Variants in NDUFA5 observed in about 807,000 individuals in gnomAD.
The protein encoded by NDUFA5 is NADH dehydrogenase [ubiquinone] 1 alpha subcomplex subunit 5.
NDUFA5 carries 11 observed loss-of-function variants against 19.8 expected under a neutral mutation model. The observed-to-expected ratio is 0.56, with a 90% CI of 0.35 to 0.92. NDUFA5 has a LOEUF of 0.92. NDUFA5 is among the 40% of genes least tolerant of loss of function. The pLI is 0.01. For missense variants in NDUFA5, 109 were observed against 134.2 expected, an observed-to-expected ratio of 0.81 and a Z score of 0.93; for synonymous variants, 47 against 46.8, an observed-to-expected ratio of 1.00 and a Z score of -0.01.
At chr7:123,566,231 A>T in the NDUFA5 span, among the ~76,000 whole-genome samples, 2 of 152,100 alleles carry the variant, frequency 1.3e-5, no homozygotes, top group Admixed American at 1.3e-4. Context: ...CAAGCCAAGG[A>T]CCACCAAAGA....
chr7:123,601,035 C>A, the NDUFA5 span, among the ~76,000 whole-genome samples: 3 of 152,060 alleles, frequency 2.0e-5, no homozygotes, highest in Non-Finnish European at 2.9e-5. Context: ...GTCACTGAGA[C>A]CTGCAAAACG....
chr7:123,559,987 A>T (rs1798669288), upstream of NDUFA5, among the ~76,000 whole-genome samples: 1 of 152,164 alleles, frequency 6.6e-6, no homozygotes, highest in South Asian at 2.1e-4. Context: ...AAAAAATTAT[A>T]CACCACAAAT....
intron 2 of NDUFA5, among the ~76,000 whole-genome samples, chr7:123,550,991 T>C (rs1161566514): frequency 6.6e-6 from 1 of 151,158 alleles, no homozygotes; most frequent in Non-Finnish European, 1.5e-5. Flanking sequence ...AATGGCATGA[T>C]CTTGGCTCAT....
At chr7:123,546,955 C>A (rs947295759) in intron 3 of NDUFA5, 3 of 364,154 alleles carry the variant, frequency 8.2e-6, no homozygotes, top group Admixed American at 7.5e-5. Flanking sequence ...TCCATATAGT[C>A]CCTAACTGCA....
chr7:123,591,695 G>T, the NDUFA5 span, among the ~76,000 whole-genome samples: 2 of 152,110 alleles, frequency 1.3e-5, no homozygotes, highest in Non-Finnish European at 2.9e-5. Flanking sequence ...GCTGGATTCG[G>T]TTTGCCAGTG....
intron 3 of NDUFA5, among the ~76,000 whole-genome samples, chr7:123,549,527 A>C (rs1798255752): frequency 6.6e-6 from 1 of 152,242 alleles, no homozygotes; most frequent in Non-Finnish European, 1.5e-5. Flanking sequence ...CTGTGATCCC[A>C]GCACTTTGGA....
chr7:123,580,492 T>C, the NDUFA5 span, among the ~76,000 whole-genome samples: 2 of 152,070 alleles, frequency 1.3e-5, no homozygotes, highest in Non-Finnish European at 2.9e-5. Flanking sequence ...CTTAACCCCC[T>C]AAGCCTTACT....
upstream of NDUFA5, among the ~76,000 whole-genome samples, chr7:123,559,857 C>CAAA (rs201033454): frequency 4.3e-5 from 2 of 46,492 alleles, no homozygotes; most frequent in Admixed American, 2.3e-4. Context: ...TTCCGTCTCA[C>CAAA]AAAAAAAAAA....
At chr7:123,543,971 T>C (rs1039214066) in intron 4 of NDUFA5, among the ~76,000 whole-genome samples, 4 of 152,342 alleles carry the variant, frequency 2.6e-5, no homozygotes, top group African/African-American at 9.6e-5. Context: ...ATTTGGTATA[T>C]CATGTCTGTT....
chr7:123,589,709 C>G, the NDUFA5 span, among the ~76,000 whole-genome samples: 1 of 152,044 alleles, frequency 6.6e-6, no homozygotes, highest in Non-Finnish European at 1.5e-5. Context: ...TTTTCTTTAT[C>G]CAGTCTAATA....
chr7:123,585,635 TTG>T, the NDUFA5 span, among the ~76,000 whole-genome samples: 36,181 of 147,014 alleles, frequency 0.25, 4,441 homozygotes, highest in East Asian at 0.39. Flanking sequence ...TAGTTACTAT[TTG>T]TGTGTGTGTG....
the NDUFA5 span, among the ~76,000 whole-genome samples, chr7:123,578,544 C>T: frequency 6.6e-6 from 1 of 152,104 alleles, no homozygotes; most frequent in East Asian, 1.9e-4. Flanking sequence ...CAGTTAATTT[C>T]AGGCATTTGC....
At chr7:123,576,927 C>A in the NDUFA5 span, among the ~76,000 whole-genome samples, 1 of 152,026 alleles carries the variant, frequency 6.6e-6, no homozygotes, top group Non-Finnish European at 1.5e-5. Flanking sequence ...TGTCATTCTC[C>A]GTGTTGCTTA....
intron 1 of NDUFA5, 126 bp from the exon 2 acceptor site, chr7:123,557,574 G>C: frequency 1.4e-5 from 23 of 1,612,380 alleles, no homozygotes; most frequent in Non-Finnish European, 2.0e-5. Context: ...TGGTCTCTCA[G>C]TCTCGCTTGT....
chr7:123,599,656 A>G, the NDUFA5 span, among the ~76,000 whole-genome samples: 2 of 152,180 alleles, frequency 1.3e-5, no homozygotes, highest in African/African-American at 4.8e-5. Flanking sequence ...AGGTGGGTCC[A>G]AGGACAGTTC....
the NDUFA5 span, among the ~76,000 whole-genome samples, chr7:123,565,348 G>C: frequency 6.6e-6 from 1 of 150,506 alleles, no homozygotes; most frequent in Admixed American, 6.6e-5. Flanking sequence ...AGACGTAACA[G>C]ACGCACCCAG....
Position 123,541,253 on chromosome 7 carries a change from T to G in NDUFA5, c.*866A>C, listed in dbSNP as rs1295107507. 1 of 152,206 alleles carries G rather than the reference T, an allele frequency of 6.6e-6. No homozygotes were observed. Among genetic ancestry groups the G allele is most frequent in the Non-Finnish European group, 1.5e-5 (1 of 68,038 alleles). The allele number at this position is 152,206 out of a possible 1,614,324, so 9.4% of individuals were successfully genotyped here. A position where few individuals can be genotyped will look rare whatever the true frequency, so the allele number is the denominator to read the frequency against. On this transcript the variant is annotated 3_prime_UTR_variant, in exon 5 of 5. Coordinates refer to ENST00000355749, the MANE Select transcript of NDUFA5 (RefSeq NM_005000.5). ...ATATAAATTTCAGGAACTCTTAATG[T>G]CTCTTCTTTTACAGAAACTCTACCT...
chr7:123,557,624 C>A (rs1161154829), intron 1 of NDUFA5, 151 bp downstream of exon 1: 3 of 1,613,666 alleles, frequency 1.9e-6, no homozygotes, highest in East Asian at 4.5e-5. Flanking sequence ...GAACCACTAA[C>A]CTGCCCTACC....
chr7:123,571,920 C>A, the NDUFA5 span, among the ~76,000 whole-genome samples: 1 of 151,874 alleles, frequency 6.6e-6, no homozygotes, highest in Non-Finnish European at 1.5e-5. Flanking sequence ...CAGGCATGCA[C>A]CATCATGCCC....
Sources: allele counts gnomAD v4.1 joint callset (sites outside exome capture counted in the v4.1 genomes callset), GRCh38; gene constraint gnomAD v4.1.1; transcripts MANE v1.5; gene names NCBI Gene and HGNC (gene_info 2026-07-23, HGNC 2026-07-21).